The following PPIE variants were observed in gnomAD, a reference collection of about 807,000 sequenced individuals.
The protein encoded by PPIE is peptidylprolyl isomerase E, also known as peptidyl-prolyl cis-trans isomerase E.
Under a neutral mutation model 38.4 loss-of-function variants are expected in PPIE, and 20 were observed. The observed-to-expected ratio is 0.52, with a 90% CI of 0.37 to 0.76. PPIE has a LOEUF of 0.76. Among genes scored for constraint, PPIE ranks in the 30% least tolerant of loss-of-function variants. PPIE has a pLI of 0.00. For missense variants in PPIE, 322 were observed against 385.8 expected, an observed-to-expected ratio of 0.83 and a Z score of 1.39; for synonymous variants, 142 against 135.7, an observed-to-expected ratio of 1.05 and a Z score of -0.32.
intron 3 of PPIE, 92 bp from the exon 4 acceptor site, chr1:39,741,803 T>A: frequency 7.0e-7 from 1 of 1,437,114 alleles, no homozygotes; most frequent in East Asian, 2.3e-5. Flanking sequence ...AGGTGGCATT[T>A]TTCTGGATTT....
Position 39,755,571 on chromosome 1 carries a change from G to C in PPIE, c.*2216G>C. 3 of 985,420 alleles carry C rather than the reference G, an allele frequency of 3.0e-6. No homozygotes were observed. The highest frequency in any genetic ancestry group is 3.6e-6 in the Non-Finnish European group (3 of 829,922). The allele number at this position is 985,420 out of a possible 1,614,324, so 61.0% of individuals were successfully genotyped here. A position where few individuals can be genotyped will look rare whatever the true frequency, so the allele number is the denominator to read the frequency against. On this transcript the variant is annotated 3_prime_UTR_variant, in exon 10 of 10. Transcript: ENST00000324379. ...TGTTAGGCAGGCATCTATGAAGCTG[G>C]GGATGATAGCACTGACTTCAGTGCT...
intron 6 of PPIE, 78 bp from the exon 7 acceptor site, chr1:39,745,297 G>A (rs1647166326): frequency 1.3e-6 from 2 of 1,583,080 alleles, no homozygotes; most frequent in Non-Finnish European, 8.7e-7. Flanking sequence ...TGTGTTCTGG[G>A]TGGGTGTGTA....
intron 4 of PPIE, chr1:39,742,223 T>G: frequency 3.6e-6 from 1 of 280,292 alleles, no homozygotes; most frequent in South Asian, 7.3e-5. Context: ...TAACTGCATA[T>G]TTTGCAAAAT....
chr1:39,744,359 G>C (rs957362456), intron 6 of PPIE, among the ~76,000 whole-genome samples: 1 of 152,168 alleles, frequency 6.6e-6, no homozygotes, highest in Non-Finnish European at 1.5e-5. Flanking sequence ...CCTGTACATG[G>C]GTTCAGGGTT....
chr1:39,760,176 G>T, downstream of PPIE: 4 of 655,346 alleles, frequency 6.1e-6, no homozygotes, highest in African/African-American at 1.8e-5. Flanking sequence ...GTTTGCATTT[G>T]GGTAGAACAC....
In PPIE at chr1:39,756,628, C is replaced by T; in HGVS notation, c.*3273C>T. Reference sequence around the variant, plus strand: ...TCTTGTAGAGTTCAGTGATGGGAAACTAAAGTAGAAAAAGCACATCACAAA... The same window carrying T: ...TCTTGTAGAGTTCAGTGATGGGAAATTAAAGTAGAAAAAGCACATCACAAA... On this transcript the variant is annotated 3_prime_UTR_variant, in exon 10 of 10. Transcript: ENST00000324379. 1 of 984,856 alleles carries T rather than the reference C, an allele frequency of 1.0e-6. No homozygotes were observed. The highest frequency in any genetic ancestry group is 1.2e-6 in the Non-Finnish European group (1 of 829,490). 61.0% of individuals were successfully genotyped at this position (984,856 alleles called of 1,614,324 possible).
chr1:39,752,112 T>C (rs997660400), intron 8 of PPIE, among the ~76,000 whole-genome samples: 3 of 151,832 alleles, frequency 2.0e-5, no homozygotes, highest in South Asian at 4.2e-4. Flanking sequence ...AAAAGTAAAT[T>C]CAGATTTCCA....
In PPIE at chr1:39,743,247, G is replaced by A. The variant is rs775286547; in HGVS notation, c.233G>A (p.Arg78His). 20 of 1,614,018 alleles carry A rather than the reference G, an allele frequency of 1.2e-5. No individual in the cohort carries two copies. Among genetic ancestry groups the A allele is most frequent in the Admixed American group, 3.3e-5 (2 of 60,004 alleles). The change falls in exon 5 of 10, where the codon CGT (arginine) becomes CAT (histidine). Residue 78 changes from arginine (R) to histidine (H), a missense_variant. Coordinates refer to ENST00000324379, the MANE Select transcript of PPIE (RefSeq NM_006112.4). ...NESELFGRTI[R>H]VNLAKPMRIK... is the part of the protein sequence containing the mutation. ...TCTGAGCTTTTTGGACGTACAATTCGTGTCAATTTGGCCAAACCAATGAGA... is the reference window on the plus strand; with the variant it reads ...TCTGAGCTTTTTGGACGTACAATTCATGTCAATTTGGCCAAACCAATGAGA...
At chr1:39,760,167 T>C (rs1356132499), downstream of PPIE, 7 of 618,364 alleles carry the variant, frequency 1.1e-5, no homozygotes, top group Admixed American at 2.2e-4. Context: ...GGGAGAGGCG[T>C]TTGCATTTGG....
intron 4 of PPIE, 101 bp from the exon 5 acceptor site, chr1:39,743,115 G>T: frequency 2.9e-6 from 3 of 1,047,014 alleles, no homozygotes; most frequent in East Asian, 2.6e-5. Flanking sequence ...CAGGGATTAA[G>T]GGAGGACAAA....
At chr1:39,762,979 C>G in intron 9 of PPIE, 1 of 1,317,432 alleles carries the variant, frequency 7.6e-7, no homozygotes, top group Non-Finnish European at 1.1e-6. Flanking sequence ...GCAGACAAAG[C>G]CCCCTGAGAC....
chr1:39,762,876 A>G (rs979630731), intron 9 of PPIE, among the ~76,000 whole-genome samples: 2 of 152,222 alleles, frequency 1.3e-5, no homozygotes, highest in African/African-American at 4.8e-5. Flanking sequence ...CTGTTCACGT[A>G]TGTCCGTGTT....
intron 8 of PPIE, 76 bp downstream of exon 8, chr1:39,749,164 T>C: frequency 6.9e-7 from 1 of 1,451,764 alleles, no homozygotes; most frequent in Non-Finnish European, 9.3e-7. Flanking sequence ...GAAGGACAGG[T>C]TGTAGTTCTG....
chr1:39,739,455 TAAAG>T (rs35698130), intron 1 of PPIE, among the ~76,000 whole-genome samples: 47,128 of 151,806 alleles, frequency 0.31, 7,661 homozygotes, highest in South Asian at 0.41. Flanking sequence ...GCCCCTGCCA[TAAAG>T]GAAGGAGTTC....
intron 8 of PPIE, among the ~76,000 whole-genome samples, chr1:39,752,470 TACACATACAC>T (rs1193687836): frequency 6.6e-6 from 1 of 152,162 alleles, no homozygotes; most frequent in Non-Finnish European, 1.5e-5. Context: ...TACATACATG[TACACATACAC>T]ACACAGACAC....
chr1:39,762,680 C>G, intron 9 of PPIE: 1 of 1,504,030 alleles, frequency 6.6e-7, no homozygotes, highest in Non-Finnish European at 8.9e-7. Context: ...ACACCCCACA[C>G]ACTGTGCACA....
In PPIE at chr1:39,748,968, A is replaced by G. The variant is rs774718170; in HGVS notation, c.574A>G (p.Ile192Val). ...FGFKGSSFHR[I>V]IPQFMCQGGD... The stretch of plus-strand genomic sequence containing the variant: ...CTTTAAGGGAAGCAGCTTCCACCGC[A>G]TCATCCCCCAGTTCATGTGCCAGGG... Residue 192 changes from isoleucine (I) to valine (V), a missense_variant, in exon 8 of 10, where the codon ATC becomes GTC. By Grantham distance (29) the Ile-to-Val change is conservative. Coordinates refer to ENST00000324379, the MANE Select transcript of PPIE (RefSeq NM_006112.4). 3 of 1,614,130 alleles carry G rather than the reference A, an allele frequency of 1.9e-6. No homozygotes were observed. The highest frequency in any genetic ancestry group is 1.3e-5 in the African/African-American group (1 of 75,048).
At position 39,753,409 on chromosome 1, in the gene PPIE, G is replaced by T; in HGVS notation, c.*54G>T. The T allele has an allele frequency of 6.3e-7, 1 of 1,596,660 alleles. No homozygotes were observed. Among genetic ancestry groups the T allele is most frequent in the South Asian group, 1.1e-5 (1 of 87,984 alleles). On this transcript the variant is annotated 3_prime_UTR_variant, in exon 10 of 10. Transcript: ENST00000324379. Reference sequence around the variant, plus strand: ...CTCTTGACCCTGCATATCCAGGAAGGAACTGCCAGCCTCAGAGGAGGCAGC... The same window carrying T: ...CTCTTGACCCTGCATATCCAGGAAGTAACTGCCAGCCTCAGAGGAGGCAGC...
In PPIE at chr1:39,753,666, G is replaced by T; in HGVS notation, c.*311G>T. Reference sequence around the variant, plus strand: ...CTGGGACTACCAGTGTGGCTCTTACGTGTTTTCTTTGCTAAAATAAACCCT... The same window carrying T: ...CTGGGACTACCAGTGTGGCTCTTACTTGTTTTCTTTGCTAAAATAAACCCT... On this transcript the variant is annotated 3_prime_UTR_variant, in exon 10 of 10. Coordinates refer to ENST00000324379, the MANE Select transcript of PPIE (RefSeq NM_006112.4). The T allele has an allele frequency of 8.5e-7, 1 of 1,177,176 alleles. No homozygotes were observed. The highest frequency in any genetic ancestry group is 1.1e-6 in the Non-Finnish European group (1 of 951,404). 72.9% of individuals were successfully genotyped at this position (1,177,176 alleles called of 1,614,324 possible). A position where few individuals can be genotyped will look rare whatever the true frequency, so the allele number is the denominator to read the frequency against.
Sources: allele counts gnomAD v4.1 joint callset (sites outside exome capture counted in the v4.1 genomes callset), GRCh38; gene constraint gnomAD v4.1.1; transcripts MANE v1.5; gene names NCBI Gene and HGNC (gene_info 2026-07-23, HGNC 2026-07-21).